Variants in FAAH2 observed in about 807,000 individuals in gnomAD.
FAAH2 encodes fatty-acid amide hydrolase 2.
Under a neutral mutation model 36.9 loss-of-function variants are expected in FAAH2, and 60 were observed. The ratio of observed to expected loss-of-function variants is 1.63; its 90% CI spans 1.32 to 2.02. The LOEUF is 2.02. Ranked by LOEUF, FAAH2 falls within the 30% of genes most tolerant of loss-of-function variation. The pLI, the probability that FAAH2 is intolerant of heterozygous loss-of-function variation, is 0.00. For synonymous variants in FAAH2, 214 were observed against 143.8 expected (o/e 1.49, Z -3.49); for missense variants, 689 against 397.5 (o/e 1.73, Z -6.23).
the FAAH2 span, among the ~76,000 whole-genome samples, chrX:57,216,484 T>TTATATATATACGTATATGTATATA: frequency 2.8e-4 from 17 of 61,768 alleles, no homozygotes; most frequent in South Asian, 8.1e-4. Flanking sequence ...TAGTATTCTA[T>TTATATATATACGTATATGTATATA]TATATATATA....
In FAAH2 at chrX:57,449,476, A is replaced by G. The variant is rs146844077; in HGVS notation, c.1423+758A>G. Among the ~76,000 whole-genome samples the G allele has an allele frequency of 4.4e-3, 496 of 112,160 alleles. 1 individual carries two copies. The highest frequency in any genetic ancestry group is 7.7e-3 in the Non-Finnish European group (412 of 53,210). ...ATTTCCTATCTAGGAAGTCAGGGTA[A>G]TCTATGCCTTGCAGTGTTGCAGTTA... On this transcript the variant is annotated intron_variant, in intron 10 of 10. Transcript: ENST00000374900.
chrX:57,419,068 T>G (rs1489009989), intron 7 of FAAH2, among the ~76,000 whole-genome samples: 5 of 105,356 alleles, frequency 4.7e-5, no homozygotes, highest in African/African-American at 6.9e-5. Flanking sequence ...TATGGCTGCA[T>G]AGTATTCCAT....
At chrX:57,390,552 T>C (rs927218080) in intron 7 of FAAH2, among the ~76,000 whole-genome samples, 6 of 111,160 alleles carry the variant, frequency 5.4e-5, no homozygotes, top group Admixed American at 1.9e-4. Flanking sequence ...AGTGTATCCA[T>C]TGTTTAGTTT....
chrX:57,383,722 C>G (rs760770387), intron 7 of FAAH2, among the ~76,000 whole-genome samples: 2 of 111,858 alleles, frequency 1.8e-5, no homozygotes, highest in South Asian at 7.6e-4. Context: ...TAGGAAAAAT[C>G]AATATCATGA....
chrX:57,396,374 TG>T (rs1303948160), intron 7 of FAAH2, among the ~76,000 whole-genome samples: 1 of 106,063 alleles, frequency 9.4e-6, no homozygotes, highest in Non-Finnish European at 1.9e-5. Flanking sequence ...TTAGGTTTAG[TG>T]TTTTTTTTTT....
At chrX:57,132,261 A>G in the FAAH2 span, among the ~76,000 whole-genome samples, 4 of 112,317 alleles carry the variant, frequency 3.6e-5, no homozygotes, top group African/African-American at 1.3e-4. Context: ...TGCCAAAATA[A>G]CATATCAGTG....
chrX:57,320,903 C>T (rs896255176), intron 3 of FAAH2, among the ~76,000 whole-genome samples: 1 of 111,824 alleles, frequency 8.9e-6, no homozygotes, highest in African/African-American at 3.2e-5. Flanking sequence ...CTTTGGGAGG[C>T]CAAGGCAGGT....
chrX:57,182,054 C>T, the FAAH2 span, among the ~76,000 whole-genome samples: 8 of 112,022 alleles, frequency 7.1e-5, no homozygotes, highest in East Asian at 1.1e-3. Flanking sequence ...TGGAACCCTT[C>T]CTTACACTAT....
intron 8 of FAAH2, among the ~76,000 whole-genome samples, chrX:57,444,484 C>T (rs2056631248): frequency 9.0e-6 from 1 of 111,633 alleles, no homozygotes; most frequent in African/African-American, 3.3e-5. Flanking sequence ...TGGGTGTTTC[C>T]TGATTTTCCA....
At chrX:57,160,917 G>T in the FAAH2 span, among the ~76,000 whole-genome samples, 6 of 111,591 alleles carry the variant, frequency 5.4e-5, no homozygotes, top group Non-Finnish European at 9.4e-5. Context: ...GAATGTGTTT[G>T]CTCTTGCTTC....
intron 8 of FAAH2, 146 bp downstream of exon 8, chrX:57,432,183 T>G: frequency 2.4e-6 from 1 of 413,447 alleles, no homozygotes; most frequent in Middle Eastern, 8.6e-4. Flanking sequence ...AAAGCACAGT[T>G]TGGTGAATGC....
intron 1 of FAAH2, among the ~76,000 whole-genome samples, chrX:57,287,885 T>A (rs1416188228): frequency 9.0e-6 from 1 of 111,424 alleles, no homozygotes; most frequent in Non-Finnish European, 1.9e-5. Context: ...TATCTCAGTA[T>A]GTGCTCCTGA....
intron 3 of FAAH2, among the ~76,000 whole-genome samples, chrX:57,318,831 T>A (rs960593342): frequency 8.9e-6 from 1 of 111,951 alleles, no homozygotes; most frequent in African/African-American, 3.2e-5. Context: ...CACTATCAAG[T>A]CAGCTTCATC....
chrX:57,389,293 C>CACACACCTACACACACACACACAT (rs1555994038), intron 7 of FAAH2, among the ~76,000 whole-genome samples: 1 of 94,629 alleles, frequency 1.1e-5, no homozygotes, highest in Non-Finnish European at 2.1e-5. Context: ...CACACACACA[C>CACACACCTACACACACACACACAT]ATATATATAT....
chrX:57,317,494 G>A lies in FAAH2; in HGVS notation c.412+6765G>A, dbSNP rs756052578. On this transcript the variant is annotated intron_variant, in intron 3 of 10. Coordinates refer to ENST00000374900, the MANE Select transcript of FAAH2 (RefSeq NM_174912.4). ...TCCTAAATATATATGTACCCAGTAC[G>A]GGAGCACCCAGATTCATAAAGCAAG... Among the ~76,000 whole-genome samples, 6 of 111,666 alleles carry A rather than the reference G, an allele frequency of 5.4e-5. No homozygotes were observed. In the South Asian group the frequency reaches 1.1e-3, roughly 21 times the overall value.
chrX:57,244,588 T>C, the FAAH2 span, among the ~76,000 whole-genome samples: 635 of 111,553 alleles, frequency 5.7e-3, 11 homozygotes, highest in Admixed American at 0.052. Flanking sequence ...CATTCTTAAA[T>C]AAGAGAATTT....
intron 7 of FAAH2, chrX:57,395,075 A>T (rs1340524348): frequency 1.8e-6 from 1 of 550,534 alleles, no homozygotes; most frequent in East Asian, 3.4e-5. Context: ...AATAGCATTG[A>T]TCACTCCTTC....
intron 3 of FAAH2, among the ~76,000 whole-genome samples, chrX:57,322,801 G>A (rs2053070011): frequency 3.7e-5 from 1 of 27,270 alleles, no homozygotes; most frequent in African/African-American, 6.3e-5. Flanking sequence ...GCTAATGCTT[G>A]TGATTTCTTT....
chrX:57,390,370 G>T (rs1319676466), intron 7 of FAAH2, among the ~76,000 whole-genome samples: 2 of 111,305 alleles, frequency 1.8e-5, no homozygotes, highest in South Asian at 3.7e-4. Context: ...AAGGGTACTT[G>T]TGCATGTTGT....
Sources: allele counts gnomAD v4.1 joint callset (sites outside exome capture counted in the v4.1 genomes callset), GRCh38; gene constraint gnomAD v4.1.1; transcripts MANE v1.5; gene names NCBI Gene and HGNC (gene_info 2026-07-23, HGNC 2026-07-21).